FARP1: variants seen among roughly 807,000 people sequenced by gnomAD.
FARP1 encodes the protein FERM, ARHGEF and pleckstrin domain-containing protein 1.
Under a neutral mutation model 128.8 loss-of-function variants are expected in FARP1, and 52 were observed. That is an observed-to-expected ratio of 0.40 (90% confidence interval 0.32 to 0.51). The LOEUF (loss-of-function observed/expected upper bound fraction) is 0.51, where lower values mean the gene tolerates loss of function less well. Ranked by LOEUF, FARP1 falls within the 20% of genes least tolerant of loss-of-function variation. FARP1 has a pLI of 0.45. For missense variants in FARP1, 1,333 were observed against 1,367.9 expected (o/e 0.97, Z 0.40); for synonymous variants, 580 against 551.8 (o/e 1.05, Z -0.72).
At chr13:98,309,153 CTTTTTTTTTTTT>C (rs56030081) in intron 2 of FARP1, among the ~76,000 whole-genome samples, 14 of 89,688 alleles carry the variant, frequency 1.6e-4, no homozygotes, top group East Asian at 3.6e-4. Context: ...TTTAAGAGGC[CTTTTTTTTTTTT>C]TTTTTTTTTT....
intron 1 of FARP1, among the ~76,000 whole-genome samples, chr13:98,183,914 G>C (rs1034962706): frequency 3.9e-5 from 6 of 152,094 alleles, no homozygotes; most frequent in Non-Finnish European, 5.9e-5. Context: ...TCTGAGGCTT[G>C]ACATATGGTG....
intron 5 of FARP1, among the ~76,000 whole-genome samples, chr13:98,372,439 G>T (rs1190509299): frequency 1.3e-5 from 2 of 152,078 alleles, no homozygotes; most frequent in Non-Finnish European, 2.9e-5. Context: ...CTTGTGCCAT[G>T]TTTAGCCACC....
rs1227750731 is a variant in FARP1, at chr13:98,410,886, A to G, written c.1692+63A>G. 9.9e-6 allele frequency: 8 copies of G among 805,700 alleles called. No individual in the cohort carries two copies. In the East Asian group the frequency reaches 1.9e-4, roughly 19 times the overall value. The allele number at this position is 805,700 out of a possible 1,614,324, so 49.9% of individuals were successfully genotyped here. A position where few individuals can be genotyped will look rare whatever the true frequency, so the allele number is the denominator to read the frequency against. ...GATTTATCTCAGCTAATACTCAGCT[A>G]TACGGGGAGGCTGGAGCTAATTAAA... On this transcript the variant is annotated intron_variant, in intron 15 of 26. Coordinates refer to ENST00000319562, the MANE Select transcript of FARP1 (RefSeq NM_005766.4).
chr13:98,294,426 G>T (rs1369175633), intron 2 of FARP1, among the ~76,000 whole-genome samples: 1 of 152,116 alleles, frequency 6.6e-6, no homozygotes, highest in Non-Finnish European at 1.5e-5. Flanking sequence ...ATATTTATTT[G>T]TAAACTATAT....
At chr13:98,373,586 AGGGGGTTGC>A (rs1381255013) in intron 5 of FARP1, among the ~76,000 whole-genome samples, 2 of 150,398 alleles carry the variant, frequency 1.3e-5, no homozygotes, top group African/African-American at 4.9e-5. Context: ...ACACACAGAA[AGGGGGTTGC>A]GGGGAGAGAC....
chr13:98,144,282 T>C (rs1402309416), intron 1 of FARP1, among the ~76,000 whole-genome samples: 1 of 151,982 alleles, frequency 6.6e-6, no homozygotes, highest in African/African-American at 2.4e-5. Context: ...ATCTCGTTTG[T>C]GGCAGCTGGA....
At chr13:98,317,973 TTC>T (rs1269385879) in intron 2 of FARP1, among the ~76,000 whole-genome samples, 3 of 139,818 alleles carry the variant, frequency 2.1e-5, no homozygotes, top group African/African-American at 5.2e-5. Flanking sequence ...CCTTCCTTCC[TTC>T]CTCTCTCCTT....
At chr13:98,300,172 A>C (rs190750310) in intron 2 of FARP1, among the ~76,000 whole-genome samples, 1 of 152,360 alleles carries the variant, frequency 6.6e-6, no homozygotes, top group East Asian at 1.9e-4. Flanking sequence ...TTATTGAGGC[A>C]AAGAGAAAGT....
intron 1 of FARP1, among the ~76,000 whole-genome samples, chr13:98,204,772 C>T (rs1019805685): frequency 1.3e-5 from 2 of 152,192 alleles, no homozygotes; most frequent in Admixed American, 1.3e-4. Context: ...CTAGCCTGGG[C>T]AACATAGCAA....
chr13:98,395,319 C>T lies in FARP1; in HGVS notation c.1257C>T (p.Ala419=), dbSNP rs748153047. The T allele has an allele frequency of 9.9e-6, 16 of 1,610,070 alleles. No homozygotes were observed. Among genetic ancestry groups the T allele is most frequent in the South Asian group, 7.7e-5 (7 of 90,994 alleles). ...GAGGAAAGGAACCGAAGGTTTCCGCCGGGGAGCCGGGGTCGCACCCGAGCC... is the reference window on the plus strand; with the variant it reads ...GAGGAAAGGAACCGAAGGTTTCCGCTGGGGAGCCGGGGTCGCACCCGAGCC... ...CRRGKEPKVS[A]GEPGSHPSPA... is the part of the protein sequence containing the mutation. The change falls in exon 13 of 27, where the codon GCC becomes GCT. Residue 419 remains alanine (A), a synonymous_variant. Coordinates refer to ENST00000319562, the MANE Select transcript of FARP1 (RefSeq NM_005766.4).
At chr13:98,168,173 A>C (rs1331748339) in intron 1 of FARP1, among the ~76,000 whole-genome samples, 1 of 68,484 alleles carries the variant, frequency 1.5e-5, no homozygotes, top group African/African-American at 5.1e-5. Context: ...CTCCATCTCA[A>C]AAAAAAAAAA....
At position 98,230,315 on chromosome 13, in the gene FARP1, C is replaced by T. The variant is rs187699984; in HGVS notation, c.171+16902C>T. 4.2e-3 allele frequency among the ~76,000 whole-genome samples: 647 copies of T among 152,268 alleles called. 2 individuals carry two copies. Among genetic ancestry groups the T allele is most frequent in the African/African-American group, 0.014 (582 of 41,544 alleles). On this transcript the variant is annotated intron_variant, in intron 2 of 26. Coordinates refer to ENST00000319562, the MANE Select transcript of FARP1 (RefSeq NM_005766.4). ...TTCACAGAAATTAACCCTAACCCTCCGAGTTCCTTAGTATTCACCCCAGTG... is the reference window on the plus strand; with the variant it reads ...TTCACAGAAATTAACCCTAACCCTCTGAGTTCCTTAGTATTCACCCCAGTG...
chr13:98,161,703 T>G (rs1876898040), intron 1 of FARP1, among the ~76,000 whole-genome samples: 1 of 152,160 alleles, frequency 6.6e-6, no homozygotes, highest in East Asian at 1.9e-4. Context: ...TTGGGGACTA[T>G]GAAGTCCCTA....
intron 1 of FARP1, among the ~76,000 whole-genome samples, chr13:98,164,941 G>A (rs1460565593): frequency 2.6e-5 from 4 of 152,102 alleles, no homozygotes; most frequent in African/African-American, 7.2e-5. Flanking sequence ...TTAGCTGAGC[G>A]TGTTGGTGCA....
intron 2 of FARP1, 59 bp downstream of exon 2, chr13:98,213,472 G>T: frequency 1.3e-6 from 2 of 1,557,380 alleles, no homozygotes. Flanking sequence ...TTTGGTGTGA[G>T]GAGGTTCGGC....
At chr13:98,235,839 CT>C (rs1882381697) in intron 2 of FARP1, among the ~76,000 whole-genome samples, 1 of 136,282 alleles carries the variant, frequency 7.3e-6, no homozygotes, top group South Asian at 2.3e-4. Flanking sequence ...TTTTTTTTCC[CT>C]GAGACAGAGT....
chr13:98,378,300 C>T (rs1889676514), intron 6 of FARP1, among the ~76,000 whole-genome samples: 1 of 152,160 alleles, frequency 6.6e-6, no homozygotes, highest in Non-Finnish European at 1.5e-5. Flanking sequence ...ATAATACTGC[C>T]ACCGATTTCA....
chr13:98,213,503 A>G, intron 2 of FARP1, 90 bp downstream of exon 2: 2 of 1,363,378 alleles, frequency 1.5e-6, no homozygotes, highest in Non-Finnish European at 2.0e-6. Flanking sequence ...GGCCAGTGAC[A>G]TGAGGCGGCT....
intron 25 of FARP1, 25 bp from the exon 26 acceptor site, chr13:98,446,641 A>ACTTTG (rs1412970810): frequency 1.2e-6 from 2 of 1,612,250 alleles, no homozygotes; most frequent in African/African-American, 2.7e-5. Flanking sequence ...CCGAAAAGCC[A>ACTTTG]CTTTGCTTTG....
Sources: allele counts gnomAD v4.1 joint callset (sites outside exome capture counted in the v4.1 genomes callset), GRCh38; gene constraint gnomAD v4.1.1; transcripts MANE v1.5; gene names NCBI Gene and HGNC (gene_info 2026-07-23, HGNC 2026-07-21).